Variants in PRKN observed in about 807,000 individuals in gnomAD.
PRKN encodes E3 ubiquitin-protein ligase parkin.
A neutral mutation model predicts 59.5 loss-of-function variants in PRKN; 56 were observed. That is an observed-to-expected ratio of 0.94 (90% confidence interval 0.76 to 1.18). The LOEUF is 1.18. Ranked by LOEUF, PRKN falls within the 50% of genes most tolerant of loss-of-function variation. PRKN has a pLI of 0.00. For synonymous variants in PRKN, 250 were observed against 222.1 expected (o/e 1.13, Z -1.12); for missense variants, 657 against 596.4 (o/e 1.10, Z -1.06).
chr6:162,626,857 T>C (rs1337798146), intron 1 of PRKN, among the ~76,000 whole-genome samples: 1 of 151,766 alleles, frequency 6.6e-6, no homozygotes, highest in Non-Finnish European at 1.5e-5. Flanking sequence ...ATGATTAAAA[T>C]ATAGTCCCTT....
chr6:161,883,657 T>A (rs1268505749), intron 6 of PRKN, among the ~76,000 whole-genome samples: 3 of 151,766 alleles, frequency 2.0e-5, no homozygotes, highest in African/African-American at 4.8e-5. Context: ...TTTATTTTTA[T>A]TTTTTTTATT....
At chr6:162,381,910 TTAG>T (rs1163026223) in intron 2 of PRKN, among the ~76,000 whole-genome samples, 2 of 152,130 alleles carry the variant, frequency 1.3e-5, no homozygotes, top group Non-Finnish European at 2.9e-5. Flanking sequence ...ACTGCATTCA[TTAG>T]TAGAATTGTT....
chr6:162,257,722 C>T (rs1463236885), intron 3 of PRKN, among the ~76,000 whole-genome samples: 1 of 152,134 alleles, frequency 6.6e-6, no homozygotes, highest in Admixed American at 6.6e-5. Flanking sequence ...ACCGACACCG[C>T]CTGCAGGTAT....
At chr6:161,516,826 CAAAAAAAAA>C in intron 9 of PRKN, among the ~76,000 whole-genome samples, 1 of 63,218 alleles carries the variant, frequency 1.6e-5, no homozygotes, top group East Asian at 5.6e-4. Context: ...GACTCAATCT[CAAAAAAAAA>C]AAAAAAAAAA....
intron 1 of PRKN, among the ~76,000 whole-genome samples, chr6:162,701,474 C>CA (rs1028742457): frequency 2.4e-3 from 336 of 139,122 alleles, no homozygotes; most frequent in African/African-American, 4.3e-3. Flanking sequence ...AGATGCATTG[C>CA]AAAAAAAAAA....
intron 1 of PRKN, among the ~76,000 whole-genome samples, chr6:162,703,929 C>T (rs557242005): frequency 6.6e-6 from 1 of 152,314 alleles, no homozygotes. Context: ...GCTGAGACTA[C>T]AAGCGCATGA....
chr6:161,986,780 C>G (rs1337106062), intron 5 of PRKN, among the ~76,000 whole-genome samples: 1 of 110,702 alleles, frequency 9.0e-6, no homozygotes, highest in Non-Finnish European at 2.0e-5. Context: ...CAAGTGAGAG[C>G]GGAACAGCCA....
rs183507361 is a variant in PRKN at position 161,499,949 on chromosome 6, G to T, written c.1083+48905C>A. 6.6e-6 allele frequency among the ~76,000 whole-genome samples: 1 copy of T among 152,166 alleles called. No individual in the cohort carries two copies. The highest frequency in any genetic ancestry group is 6.5e-5 in the Admixed American group (1 of 15,280). Reference sequence around the variant, plus strand: ...TTACAGATAAACTGAACACCAAGTTGTCTTCTGAATGCTGCCCTCACTCTC... The same window carrying T: ...TTACAGATAAACTGAACACCAAGTTTTCTTCTGAATGCTGCCCTCACTCTC... On this transcript the variant is annotated intron_variant, in intron 9 of 11. Transcript: ENST00000366898. The surrounding 1 kb of genome is among the most constrained non-coding windows in gnomAD (Gnocchi z 4.2).
intron 7 of PRKN, among the ~76,000 whole-genome samples, chr6:161,674,717 A>T (rs956648380): frequency 1.3e-5 from 2 of 152,218 alleles, no homozygotes; most frequent in African/African-American, 4.8e-5. Context: ...AGAGGAATAC[A>T]CAAAAAAGAT....
At chr6:162,505,451 G>A (rs770516161) in intron 1 of PRKN, among the ~76,000 whole-genome samples, 43 of 152,022 alleles carry the variant, frequency 2.8e-4, no homozygotes, top group African/African-American at 8.5e-4. Flanking sequence ...ATGTAAATTC[G>A]CAGACCCCAC....
intron 7 of PRKN, among the ~76,000 whole-genome samples, chr6:161,659,287 A>C (rs1784461737): frequency 6.6e-6 from 1 of 152,182 alleles, no homozygotes; most frequent in Non-Finnish European, 1.5e-5. Flanking sequence ...AATTAATTAT[A>C]TATAATTCTT....
intron 5 of PRKN, among the ~76,000 whole-genome samples, chr6:161,975,564 TG>T (rs1251049847): frequency 6.6e-6 from 1 of 152,208 alleles, no homozygotes; most frequent in African/African-American, 2.4e-5. Context: ...TGTGACACCA[TG>T]AGCAACAGCC....
At chr6:161,812,481 A>T (rs576579440) in intron 6 of PRKN, among the ~76,000 whole-genome samples, 1 of 152,334 alleles carries the variant, frequency 6.6e-6, no homozygotes, top group Non-Finnish European at 1.5e-5. Context: ...TCTGTCTGAG[A>T]AAGGACCTAT....
chr6:161,694,832 G>C (rs561423733), intron 7 of PRKN, among the ~76,000 whole-genome samples: 2 of 152,300 alleles, frequency 1.3e-5, no homozygotes, highest in Admixed American at 1.3e-4. Flanking sequence ...GTGCTGTGTA[G>C]AAAACAGAAT....
chr6:162,443,533 G>T, intron 1 of PRKN, 60 bp from the exon 2 acceptor site: 1 of 1,482,380 alleles, frequency 6.7e-7, no homozygotes, highest in Non-Finnish European at 9.4e-7. Flanking sequence ...CCCTTAAATG[G>T]TGATAGCAAC....
intron 6 of PRKN, among the ~76,000 whole-genome samples, chr6:161,899,889 G>A (rs530721204): frequency 1.4e-4 from 22 of 152,222 alleles, no homozygotes; most frequent in Admixed American, 2.6e-4. Flanking sequence ...TTGGGAGGCC[G>A]AGGTGGGCAG....
intron 6 of PRKN, among the ~76,000 whole-genome samples, chr6:161,786,864 A>AAT (rs1790440093): frequency 6.6e-6 from 1 of 151,984 alleles, no homozygotes; most frequent in South Asian, 2.1e-4. Flanking sequence ...CTAATTAATC[A>AAT]ATATATATAA....
At chr6:162,565,935 C>T (rs1780057844) in intron 1 of PRKN, among the ~76,000 whole-genome samples, 1 of 151,978 alleles carries the variant, frequency 6.6e-6, no homozygotes, top group Admixed American at 6.6e-5. Context: ...AGTTGCTATA[C>T]TTATATCAGA....
intron 1 of PRKN, among the ~76,000 whole-genome samples, chr6:162,647,395 A>C (rs1283009885): frequency 6.6e-6 from 1 of 152,134 alleles, no homozygotes; most frequent in Non-Finnish European, 1.5e-5. Context: ...TTTTAGACTT[A>C]ACAAATCTTA....
Sources: allele counts gnomAD v4.1 joint callset (sites outside exome capture counted in the v4.1 genomes callset), GRCh38; gene constraint gnomAD v4.1.1; non-coding constraint Gnocchi (gnomAD v3.1); transcripts MANE v1.5; gene names NCBI Gene and HGNC (gene_info 2026-07-23, HGNC 2026-07-21).